Variants in CCDC146 observed in about 807,000 individuals in gnomAD.
CCDC146 encodes coiled-coil domain-containing protein 146.
CCDC146 carries 92 observed loss-of-function variants against 119.3 expected under a neutral mutation model. The observed-to-expected ratio is 0.77, with a 90% CI of 0.65 to 0.92. The LOEUF (loss-of-function observed/expected upper bound fraction) is 0.92, where lower values mean the gene tolerates loss of function less well. Among genes scored for constraint, CCDC146 ranks in the 40% least tolerant of loss-of-function variants. CCDC146 has a pLI of 0.00. For synonymous variants in CCDC146, 372 were observed against 371.8 expected (o/e 1.00, Z -0.01); for missense variants, 1,000 against 1,103.0 (o/e 0.91, Z 1.32).
At chr7:77,236,369 G>A (rs1355110485) in intron 2 of CCDC146, among the ~76,000 whole-genome samples, 1 of 152,200 alleles carries the variant, frequency 6.6e-6, no homozygotes, top group African/African-American at 2.4e-5. Flanking sequence ...TGACAGCAGA[G>A]GCAAAGGCAT....
chr7:77,149,741 T>C (rs1244397679), intron 1 of CCDC146, among the ~76,000 whole-genome samples: 2 of 150,188 alleles, frequency 1.3e-5, no homozygotes, highest in African/African-American at 4.9e-5. Context: ...CACTCCAGCC[T>C]GTGACAGAGC....
chr7:77,199,958 A>C lies in CCDC146; in HGVS notation c.156+32134A>C, dbSNP rs3093273. The stretch of plus-strand genomic sequence containing the variant: ...AGAGGAGATAGCCCTCATCAAACGC[A>C]GTTTGCCAAAAACTGTAACTTACTC... On this transcript the variant is annotated intron_variant, in intron 2 of 18. Coordinates refer to ENST00000285871, the MANE Select transcript of CCDC146 (RefSeq NM_020879.3). 3.4e-5 allele frequency: 24 copies of C among 701,082 alleles called. 1 individual carries two copies. The East Asian group carries it at 6.4e-4, about 19-fold the overall frequency. The allele number at this position is 701,082 out of a possible 1,614,324, so 43.4% of individuals were successfully genotyped here. A position where few individuals can be genotyped will look rare whatever the true frequency, so the allele number is the denominator to read the frequency against.
intron 2 of CCDC146, among the ~76,000 whole-genome samples, chr7:77,213,435 G>A (rs139519064): frequency 1.7e-4 from 26 of 152,104 alleles, no homozygotes; most frequent in African/African-American, 6.3e-4. Context: ...TAATCAGATC[G>A]GGTTAATTAG....
intron 17 of CCDC146, among the ~76,000 whole-genome samples, chr7:77,289,662 A>G (rs1309539871): frequency 6.6e-6 from 1 of 152,262 alleles, no homozygotes; most frequent in Non-Finnish European, 1.5e-5. Context: ...ACATTCAAAA[A>G]GATTGCACAT....
At chr7:77,252,247 TA>T (rs1793089531) in intron 4 of CCDC146, among the ~76,000 whole-genome samples, 1 of 152,078 alleles carries the variant, frequency 6.6e-6, no homozygotes, top group East Asian at 1.9e-4. Context: ...AGAGAAGGTA[TA>T]TGATTATGAA....
At chr7:77,170,044 G>A (rs1342930281) in intron 2 of CCDC146, among the ~76,000 whole-genome samples, 1 of 152,058 alleles carries the variant, frequency 6.6e-6, no homozygotes, top group Non-Finnish European at 1.5e-5. Flanking sequence ...GGGCATACAT[G>A]TACAGGTTTT....
Position 77,241,747 on chromosome 7 carries a change from T to C in CCDC146, c.296T>C (p.Ile99Thr). 1 of 1,613,970 alleles carries C rather than the reference T, an allele frequency of 6.2e-7. No homozygotes were observed. The highest frequency in any genetic ancestry group is 8.5e-7 in the Non-Finnish European group (1 of 1,180,020). The change falls in exon 4 of 19, where the codon ATA becomes ACA. Residue 99 changes from isoleucine (I) to threonine (T), a missense_variant. Ile to Thr is a moderately conservative substitution (Grantham distance 89, BLOSUM62 -1). Around this residue, in one of 2 missense-constraint regions of CCDC146, gnomAD observed 985 missense variants for 1,045.3 expected, o/e 0.94. Transcript: ENST00000285871. The stretch of plus-strand genomic sequence containing the variant: ...AATGCCAAACGTTTCACTGAGCAAA[T>C]ACAACAGCAGCAGTTTCACCTGCAG... ...LQNAKRFTEQ[I>T]QQQQFHLQQA...
Position 77,126,115 on chromosome 7 carries a change from G to T in CCDC146, c.-12+3383G>T, listed in dbSNP as rs1382932092. On this transcript the variant is annotated intron_variant, in intron 1 of 18. Coordinates refer to ENST00000285871, the MANE Select transcript of CCDC146 (RefSeq NM_020879.3). ...AGTAGATTTTTAAAGATGCCCTTTA[G>T]CAAGTTAAGGAAGTTTACTTTCTAA... Among the ~76,000 whole-genome samples the T allele has an allele frequency of 2.0e-5, 3 of 152,082 alleles. No individual in the cohort carries two copies. In the East Asian group the frequency reaches 5.8e-4, roughly 29 times the overall value.
At position 77,280,570 on chromosome 7, in the gene CCDC146, T is replaced by C. The variant is rs149186710; in HGVS notation, c.1836T>C (p.Leu612=). The C allele has an allele frequency of 6.2e-6, 10 of 1,614,022 alleles. No individual in the cohort carries two copies. The highest frequency in any genetic ancestry group is 8.5e-6 in the Non-Finnish European group (10 of 1,179,984). ...CCCAGTTAAATAACATTGACAGACT[T>C]GCCAACACGATCACAATGATCGAAG... The part of the protein sequence containing the change: ...KEAQLNNIDR[L]ANTITMIEEE... Residue 612 remains leucine (L), a synonymous_variant, in exon 14 of 19, where the codon CTT becomes CTC. Coordinates refer to ENST00000285871, the MANE Select transcript of CCDC146 (RefSeq NM_020879.3).
At chr7:77,217,733 G>T (rs1792327405) in intron 2 of CCDC146, among the ~76,000 whole-genome samples, 1 of 152,032 alleles carries the variant, frequency 6.6e-6, no homozygotes, top group Admixed American at 6.6e-5. Flanking sequence ...TATACACTTA[G>T]GCTATATGGT....
At chr7:77,247,613 CAT>C (rs1792978011) in intron 4 of CCDC146, among the ~76,000 whole-genome samples, 1 of 152,092 alleles carries the variant, frequency 6.6e-6, no homozygotes, top group South Asian at 2.1e-4. Flanking sequence ...TCAAAAATAA[CAT>C]AATCCCATTA....
chr7:77,208,169 T>C (rs919419341), intron 2 of CCDC146, among the ~76,000 whole-genome samples: 1 of 152,174 alleles, frequency 6.6e-6, no homozygotes, highest in African/African-American at 2.4e-5. Flanking sequence ...CATCATTAGG[T>C]TCTCCTCTTG....
At chr7:77,273,145 T>C (rs1030359608) in intron 9 of CCDC146, among the ~76,000 whole-genome samples, 10 of 152,182 alleles carry the variant, frequency 6.6e-5, no homozygotes, top group African/African-American at 1.7e-4. Flanking sequence ...ACCTGCACCA[T>C]TGAGGCAAGT....
chr7:77,285,007 T>G (rs993776873), intron 15 of CCDC146, among the ~76,000 whole-genome samples: 5 of 152,094 alleles, frequency 3.3e-5, no homozygotes, highest in African/African-American at 1.2e-4. Context: ...GTCTTCTCCC[T>G]TTTTTGCATC....
chr7:77,243,300 C>T (rs956534292), intron 4 of CCDC146, among the ~76,000 whole-genome samples: 15 of 152,274 alleles, frequency 9.9e-5, no homozygotes, highest in African/African-American at 2.6e-4. Context: ...TACTGACCTG[C>T]GGTGAATAAG....
intron 1 of CCDC146, among the ~76,000 whole-genome samples, chr7:77,165,116 A>G (rs2024326): frequency 2.0e-5 from 3 of 152,176 alleles, no homozygotes; most frequent in East Asian, 3.9e-4. Context: ...AGTCATCCCA[A>G]TGTCACCAAA....
intron 2 of CCDC146, among the ~76,000 whole-genome samples, chr7:77,218,551 A>C (rs1792341210): frequency 6.6e-6 from 1 of 151,992 alleles, no homozygotes; most frequent in Non-Finnish European, 1.5e-5. Flanking sequence ...CAGTGTCATC[A>C]AGCATAATAA....
At chr7:77,165,177 T>G (rs949245737) in intron 1 of CCDC146, among the ~76,000 whole-genome samples, 1 of 151,830 alleles carries the variant, frequency 6.6e-6, no homozygotes, top group Non-Finnish European at 1.5e-5. Context: ...TTAGAAAGTG[T>G]TGTGGATCTG....
chr7:77,250,703 C>T (rs534981488), intron 4 of CCDC146, among the ~76,000 whole-genome samples: 3 of 152,194 alleles, frequency 2.0e-5, no homozygotes, highest in Non-Finnish European at 4.4e-5. Context: ...GAAGGAAATT[C>T]TCAGACATTA....
Sources: gnomAD v4.1 joint callset for allele counts (sites outside exome capture counted in the v4.1 genomes callset) on GRCh38, gnomAD v4.1.1 for gene constraint, gnomAD v4.1.1 regional missense constraint, MANE v1.5 for transcripts, NCBI Gene and HGNC (gene_info 2026-07-23, HGNC 2026-07-21) for gene names.